The following ATG16L1 variants were observed in gnomAD, a reference collection of about 807,000 sequenced individuals.
ATG16L1 encodes autophagy-related protein 16-1.
A neutral mutation model predicts 88.5 loss-of-function variants in ATG16L1; 37 were observed. That is an observed-to-expected ratio of 0.42 (90% confidence interval 0.32 to 0.55). The LOEUF is 0.55. ATG16L1 is among the 20% of genes least tolerant of loss of function. The pLI is 0.13. For missense variants in ATG16L1, 554 were observed against 752.8 expected (o/e 0.74, Z 3.09); for synonymous variants, 301 against 281.0 (o/e 1.07, Z -0.71).
intron 7 of ATG16L1, 35 bp downstream of exon 7, chr2:233,273,087 C>T (rs1463704377): frequency 1.9e-6 from 3 of 1,546,996 alleles, no homozygotes; most frequent in Non-Finnish European, 1.8e-6. Context: ...GAAAAGACAG[C>T]TTGAGGAGCA....
Position 233,275,918 on chromosome 2 carries a change from T to TC in ATG16L1, c.954+1142dup, listed in dbSNP as rs760461245. 9.4e-5 allele frequency: 49 copies of TC among 519,190 alleles called. 1 individual carries two copies. Among genetic ancestry groups the TC allele is most frequent in the South Asian group, 6.6e-4 (47 of 71,588 alleles). 32.2% of individuals were successfully genotyped at this position (519,190 alleles called of 1,614,324 possible). A position where few individuals can be genotyped will look rare whatever the true frequency, so the allele number is the denominator to read the frequency against. On this transcript the variant is annotated intron_variant, in intron 9 of 17. Coordinates refer to ENST00000392017, the MANE Select transcript of ATG16L1 (RefSeq NM_030803.7). ...GTGATCGGCTCACAGCTGACGAGTA[T>TC]CCAACAAAACCAGTTACACAGGAGA...
At chr2:233,267,963 C>T (rs3792112) in intron 5 of ATG16L1, among the ~76,000 whole-genome samples, 66,030 of 152,008 alleles carry the variant, frequency 0.43, 15,012 homozygotes, top group Middle Eastern at 0.52. Context: ...CTTAGGTAGC[C>T]TCTCCTCCTA....
chr2:233,281,878 A>G (rs150484252), intron 11 of ATG16L1, among the ~76,000 whole-genome samples: 1 of 152,200 alleles, frequency 6.6e-6, no homozygotes, highest in African/African-American at 2.4e-5. Context: ...GTGCAAACCT[A>G]TTCTATGGCA....
intron 6 of ATG16L1, 39 bp from the exon 7 acceptor site, chr2:233,272,927 G>A (rs765602784): frequency 1.9e-6 from 3 of 1,562,728 alleles, no homozygotes; most frequent in East Asian, 2.2e-5. Context: ...TCACAGAACT[G>A]TTCAGGAGAA....
chr2:233,288,585 C>G (rs1699237290), intron 12 of ATG16L1: 1 of 363,842 alleles, frequency 2.7e-6, no homozygotes, highest in Non-Finnish European at 5.5e-6. Flanking sequence ...CCAACCCTTG[C>G]ATTTTCTAAT....
At chr2:233,282,892 T>G (rs1414879930) in intron 12 of ATG16L1, 139 bp downstream of exon 12, 5 of 701,104 alleles carry the variant, frequency 7.1e-6, no homozygotes, top group Admixed American at 5.3e-5. Flanking sequence ...CCTTTCCTCC[T>G]TGGGGAAATC....
intron 3 of ATG16L1, among the ~76,000 whole-genome samples, chr2:233,263,603 G>A (rs761910627): frequency 1.3e-4 from 20 of 152,350 alleles, no homozygotes; most frequent in Non-Finnish European, 2.4e-4. Context: ...ACATTCGTGA[G>A]AAAGAATCAA....
chr2:233,274,446 A>T (rs1698205029), intron 8 of ATG16L1: 4 of 454,956 alleles, frequency 8.8e-6, no homozygotes, highest in Admixed American at 3.7e-5. Context: ...TTTGGAGTCC[A>T]CAGGTTAGTG....
In ATG16L1 at chr2:233,251,759, A is replaced by G; in HGVS notation, c.-69A>G. The stretch of plus-strand genomic sequence containing the variant: ...CATTCCCGCTTCTGCTGGTTGCTTC[A>G]TGCTGCAGGCTGCGGCCGTCAGCCC... On this transcript the variant is annotated 5_prime_UTR_variant, in exon 1 of 18. The change abolishes an upstream ATG in the 5' untranslated region. Coordinates refer to ENST00000392017, the MANE Select transcript of ATG16L1 (RefSeq NM_030803.7). 7.1e-7 allele frequency: 1 copy of G among 1,415,430 alleles called. No homozygotes were observed. Among genetic ancestry groups the G allele is most frequent in the Non-Finnish European group, 9.7e-7 (1 of 1,029,544 alleles). 87.7% of individuals were successfully genotyped at this position (1,415,430 alleles called of 1,614,324 possible). A position where few individuals can be genotyped will look rare whatever the true frequency, so the allele number is the denominator to read the frequency against.
chr2:233,294,328 C>T lies in ATG16L1; in HGVS notation c.1802C>T (p.Ala601Val). ...GTCAGTGTGGACAAAGGATGCAAAG[C>T]TGTGCTGTGGGCACAGTACTGACGG... is the stretch of plus-strand genomic sequence containing the variant. ...HVVSVDKGCK[A>V]VLWAQY The change falls in exon 18 of 18, where the codon GCT (alanine) becomes GTT (valine). Residue 601 changes from alanine to valine, a missense_variant. Ala to Val is a moderately conservative substitution (Grantham distance 64). Coordinates refer to ENST00000392017, the MANE Select transcript of ATG16L1 (RefSeq NM_030803.7). 8 of 1,613,778 alleles carry T rather than the reference C, an allele frequency of 5.0e-6. No homozygotes were observed. Among genetic ancestry groups the T allele is most frequent in the Non-Finnish European group, 6.8e-6 (8 of 1,179,932 alleles).
rs150801646 is a variant in ATG16L1 at position 233,284,401 on chromosome 2, G to A, written c.1203+1648G>A. ...GGCTAGAGTGCAGTGGCATGATCTCGGTTCACTGCAAGCTCCACCTGCCAG... is the reference window on the plus strand; with the variant it reads ...GGCTAGAGTGCAGTGGCATGATCTCAGTTCACTGCAAGCTCCACCTGCCAG... On this transcript the variant is annotated intron_variant, in intron 12 of 17. Transcript: ENST00000392017. 7.0e-3 allele frequency among the ~76,000 whole-genome samples: 1,069 copies of A among 152,124 alleles called. 20 individuals are homozygous for A. The highest frequency in any genetic ancestry group is 0.024 in the African/African-American group (1,000 of 41,498).
intron 11 of ATG16L1, 40 bp from the exon 12 acceptor site, chr2:233,282,642 T>G (rs1379884305): frequency 6.4e-7 from 1 of 1,558,772 alleles, no homozygotes; most frequent in Non-Finnish European, 8.9e-7. Flanking sequence ...ATTCCTCTGA[T>G]TTGGCTAAAA....
Position 233,294,424 on chromosome 2 carries a change from G to A in ATG16L1, c.*74G>A. 8.1e-7 allele frequency: 1 copy of A among 1,232,792 alleles called. No individual in the cohort carries two copies. The highest frequency in any genetic ancestry group is 1.2e-6 in the Non-Finnish European group (1 of 855,858). The allele number at this position is 1,232,792 out of a possible 1,614,324, so 76.4% of individuals were successfully genotyped here. ...ACATGGGCTCCTGCAGCCCTGTCCT[G>A]GCAGGTGATGTGCTGGGTATAGCAT... is the stretch of plus-strand genomic sequence containing the variant. On this transcript the variant is annotated 3_prime_UTR_variant, in exon 18 of 18. Coordinates refer to ENST00000392017, the MANE Select transcript of ATG16L1 (RefSeq NM_030803.7).
chr2:233,265,221 C>A, intron 5 of ATG16L1, 78 bp downstream of exon 5: 2 of 1,540,558 alleles, frequency 1.3e-6, no homozygotes, highest in South Asian at 1.2e-5. Context: ...AAGAGATAAA[C>A]CTGGCAGTTA....
At chr2:233,274,484 C>G (rs1698207926) in intron 8 of ATG16L1, 192 bp from the exon 9 acceptor site, 1 of 511,004 alleles carries the variant, frequency 2.0e-6, no homozygotes, top group Non-Finnish European at 3.5e-6. Context: ...TGTGCTGGCT[C>G]TCTTTCTCAT....
intron 5 of ATG16L1, chr2:233,266,238 G>C (rs1363069912): frequency 6.6e-6 from 1 of 151,452 alleles, no homozygotes; most frequent in Admixed American, 6.6e-5. Flanking sequence ...CGGGAGGATC[G>C]CTTGAAACCA....
Position 233,265,017 on chromosome 2 carries a change from C to G in ATG16L1, c.515C>G (p.Thr172Ser). ...LKDEYDALQI[T>S]FTALEGKLRK... ...GATGAATATGATGCCCTGCAGATCA[C>G]TTTTACTGCCTTGGAGGGAAAACTG... is the stretch of plus-strand genomic sequence containing the variant. The change falls in exon 5 of 18, where the codon ACT becomes AGT. Residue 172 changes from threonine (T) to serine (S), a missense_variant. Thr to Ser is a moderately conservative substitution (Grantham distance 58). Transcript: ENST00000392017. 6.2e-7 allele frequency: 1 copy of G among 1,614,198 alleles called. No individual in the cohort carries two copies. Among genetic ancestry groups the G allele is most frequent in the Non-Finnish European group, 8.5e-7 (1 of 1,180,030 alleles).
At position 233,290,349 on chromosome 2, in the gene ATG16L1, A is replaced by C. The variant is rs1699377848; in HGVS notation, c.1426A>C (p.Ile476Leu). 1 of 1,612,372 alleles carries C rather than the reference A, an allele frequency of 6.2e-7. No individual in the cohort carries two copies. Among genetic ancestry groups the C allele is most frequent in the African/African-American group, 1.3e-5 (1 of 74,910 alleles). Residue 476 changes from isoleucine (I) to leucine (L), a missense_variant, in exon 14 of 18, where the codon ATT becomes CTT. Physicochemically the swap from Ile to Leu is conservative, Grantham distance 5. Around this residue, in one of 5 missense-constraint regions of ATG16L1, gnomAD observed 370 missense variants for 509.7 expected, o/e 0.73. Transcript: ENST00000392017. The stretch of plus-strand genomic sequence containing the variant: ...TGACAAGAAAATTCGTTTCTGGGAC[A>C]TTCGGTATGATACCCAAGCTCCTGA... The part of the protein sequence containing the change: ...HFDKKIRFWD[I>L]RSESIVREME...
At chr2:233,267,214 T>G (rs1434379296) in intron 5 of ATG16L1, among the ~76,000 whole-genome samples, 1 of 152,216 alleles carries the variant, frequency 6.6e-6, no homozygotes, top group Non-Finnish European at 1.5e-5. Context: ...CCGGGTGTGG[T>G]AGCGGATGCC....
Sources: gnomAD v4.1 joint callset for allele counts (sites outside exome capture counted in the v4.1 genomes callset) on GRCh38, gnomAD v4.1.1 for gene constraint, gnomAD v4.1.1 regional missense constraint, MANE v1.5 for transcripts, NCBI Gene and HGNC (gene_info 2026-07-23, HGNC 2026-07-21) for gene names.